Variants in PRH1 observed in about 807,000 individuals in gnomAD.
PRH1 encodes the protein proline rich protein HaeIII subfamily 1.
In PRH1, 7 loss-of-function variants were observed where a neutral mutation model predicts 7.9. The ratio of observed to expected loss-of-function variants is 0.89; its 90% CI spans 0.50 to 1.67. The LOEUF is 1.67. Ranked by LOEUF, PRH1 falls within the 40% of genes most tolerant of loss-of-function variation. The pLI is 0.00. For missense variants in PRH1, 109 were observed against 223.6 expected (o/e 0.49, Z 3.27); for synonymous variants, 45 against 80.8 (o/e 0.56, Z 2.38).
intron 1 of PRH1, among the ~76,000 whole-genome samples, chr12:11,054,231 T>C (rs1038949901): frequency 1.3e-5 from 2 of 152,210 alleles, no homozygotes; most frequent in African/African-American, 2.4e-5. Flanking sequence ...ATATTTTTTC[T>C]TTTACCACAT....
intron 1 of PRH1, among the ~76,000 whole-genome samples, chr12:11,054,295 GTTTAAT>G (rs1943270154): frequency 1.3e-5 from 2 of 152,252 alleles, no homozygotes; most frequent in African/African-American, 4.8e-5. Context: ...CTTTTTGGCT[GTTTAAT>G]TTTATTCCAC....
intron 1 of PRH1, among the ~76,000 whole-genome samples, chr12:11,101,096 A>C (rs1945230179): frequency 6.6e-6 from 1 of 152,198 alleles, no homozygotes; most frequent in African/African-American, 2.4e-5. Context: ...GTGTCTATCA[A>C]TCATGGATAT....
Position 11,012,603 on chromosome 12 carries a change from C to T in PRH1, c.-126+34417G>A, listed in dbSNP as rs189885131. ...GTTTTGAGAAAGGATGTTGCTCTGT[C>T]GCCTAGGCTGGAGTGCAGTGGTAGT... On this transcript the variant is annotated intron_variant, in intron 1 of 3. Coordinates refer to the PRH1 transcript ENST00000539853. Among the ~76,000 whole-genome samples, 443 of 152,204 alleles carry T rather than the reference C, an allele frequency of 2.9e-3. 2 individuals are homozygous for T. The highest frequency in any genetic ancestry group is 6.2e-3 in the Admixed American group (95 of 15,254).
intron 2 of PRH1, among the ~76,000 whole-genome samples, chr12:10,941,849 G>C (rs928297674): frequency 3.9e-5 from 6 of 152,060 alleles, no homozygotes; most frequent in Non-Finnish European, 7.4e-5. Flanking sequence ...ATTTGGGTAG[G>C]CTCTATCAGA....
intron 1 of PRH1, among the ~76,000 whole-genome samples, chr12:11,019,360 C>T (rs533053294): frequency 5.3e-5 from 8 of 152,282 alleles, no homozygotes; most frequent in Non-Finnish European, 1.0e-4. Context: ...TCTTCTTTTG[C>T]CTCAGTTTCC....
chr12:11,052,047 A>T (rs1004076702), upstream of PRH1, among the ~76,000 whole-genome samples: 4 of 152,288 alleles, frequency 2.6e-5, no homozygotes, highest in African/African-American at 7.2e-5. Flanking sequence ...TCACAGACAT[A>T]GAAAAGCCCA....
chr12:10,981,225 A>G (rs1939334458), intron 1 of PRH1, among the ~76,000 whole-genome samples: 1 of 152,188 alleles, frequency 6.6e-6, no homozygotes. Flanking sequence ...GCTATTCCCC[A>G]GAAAACAGTC....
At chr12:11,052,219 T>G (rs549866398) in intron 1 of PRH1, among the ~76,000 whole-genome samples, 9 of 152,288 alleles carry the variant, frequency 5.9e-5, no homozygotes, top group African/African-American at 1.7e-4. Flanking sequence ...GTCATTAATT[T>G]TTATTGCTCC....
intron 1 of PRH1, among the ~76,000 whole-genome samples, chr12:11,075,230 G>C (rs1944245168): frequency 7.5e-6 from 1 of 133,370 alleles, no homozygotes; most frequent in Non-Finnish European, 1.7e-5. Flanking sequence ...TAAGAAAGGT[G>C]ACTCGTTACT....
chr12:11,091,450 G>A lies in PRH1; in HGVS notation n.124-44262C>T, dbSNP rs753434790. On this transcript the variant is annotated intron_variant and non_coding_transcript_variant, in intron 1 of 4. Transcript: ENST00000541977. ...ATCTAATAGCTTTGCAGAACATGAA[G>A]ACAGGTTTGTTTTCCAGACTTCCAA... The A allele has an allele frequency of 2.7e-5, 34 of 1,262,782 alleles. 2 individuals carry two copies. The South Asian group carries it at 4.0e-4, about 15-fold the overall frequency. The allele number at this position is 1,262,782 out of a possible 1,614,324, so 78.2% of individuals were successfully genotyped here.
rs373038197 is a variant in PRH1, at chr12:10,881,343, T to A, written c.*19-287A>T. On this transcript the variant is annotated intron_variant, in intron 3 of 3. Transcript: ENST00000543626. The stretch of plus-strand genomic sequence containing the variant: ...TATGTAAGGGCTATTTTTACAAAGA[T>A]GGGCACTGCAACATATCATATAATA... Among the ~76,000 whole-genome samples, 4 of 152,228 alleles carry A rather than the reference T, an allele frequency of 2.6e-5. No homozygotes were observed. The South Asian group carries it at 8.3e-4, about 31-fold the overall frequency.
chr12:10,901,081 CA>C (rs1481444963), intron 2 of PRH1, among the ~76,000 whole-genome samples: 2 of 152,182 alleles, frequency 1.3e-5, no homozygotes, highest in African/African-American at 4.8e-5. Context: ...GCATTCAAAG[CA>C]CCTGCTCACA....
At position 10,930,476 on chromosome 12, in the gene PRH1, T is replaced by C. The variant is rs79858967; in HGVS notation, c.-59+43179A>G. Among the ~76,000 whole-genome samples, 8 of 151,828 alleles carry C rather than the reference T, an allele frequency of 5.3e-5. No homozygotes were observed. The East Asian group carries it at 7.8e-4, about 15-fold the overall frequency. ...TCTGGGGACCATGAGTAAAGAAATT[T>C]GATTTTTCACCACCCTAATGTGGAT... On this transcript the variant is annotated intron_variant, in intron 2 of 3. Transcript: ENST00000539853.
chr12:11,135,987 C>T lies in PRH1; in HGVS notation n.40-14807G>A, dbSNP rs529286808. On this transcript the variant is annotated intron_variant and non_coding_transcript_variant, in intron 1 of 1. Coordinates refer to the PRH1 transcript ENST00000541175. ...GAACCAAAACAAAAATGGGAAATAC[C>T]GCAGTGTATCATAAACATTCAAGTA... 5.3e-5 allele frequency among the ~76,000 whole-genome samples: 8 copies of T among 151,952 alleles called. 1 individual carries two copies. In the South Asian group the frequency reaches 6.2e-4, roughly 12 times the overall value.
rs111298542 is a variant in PRH1, at chr12:10,909,166, C to T, written c.-58-24891G>A. 58 of 1,613,930 alleles carry T rather than the reference C, an allele frequency of 3.6e-5. 1 individual carries two copies. The African/African-American group carries it at 3.6e-4, about 10-fold the overall frequency. ...ATTGCCAAGATAATGAGGAGTTTATCGACTGAGGACAGCTCTCTTTTACTG... is the reference window on the plus strand; with the variant it reads ...ATTGCCAAGATAATGAGGAGTTTATTGACTGAGGACAGCTCTCTTTTACTG... On this transcript the variant is annotated intron_variant, in intron 2 of 3. Transcript: ENST00000539853.
At chr12:10,983,956 T>A (rs1165675091) in intron 1 of PRH1, among the ~76,000 whole-genome samples, 4 of 152,222 alleles carry the variant, frequency 2.6e-5, no homozygotes, top group African/African-American at 9.6e-5. Context: ...AAGATACTCG[T>A]TTAGTGTTAT....
chr12:10,927,584 T>C (rs766230876), intron 2 of PRH1, among the ~76,000 whole-genome samples: 6 of 152,214 alleles, frequency 3.9e-5, no homozygotes, highest in Non-Finnish European at 7.3e-5. Context: ...TATGAGAACA[T>C]TGTTGTCTGT....
intron 1 of PRH1, among the ~76,000 whole-genome samples, chr12:11,164,237 C>G (rs947601626): frequency 4.6e-5 from 7 of 152,142 alleles, no homozygotes; most frequent in African/African-American, 1.7e-4. Flanking sequence ...AGGCATCAAC[C>G]AATCTGATGA....
chr12:11,171,521 G>A (rs1947844227), upstream of PRH1: 9 of 1,232,196 alleles, frequency 7.3e-6, no homozygotes, highest in African/African-American at 6.2e-5. Flanking sequence ...TCTACGTCGC[G>A]GGCTCGGTGA....
Sources: gnomAD v4.1 joint callset for allele counts (sites outside exome capture counted in the v4.1 genomes callset) on GRCh38, gnomAD v4.1.1 for gene constraint, MANE v1.5 for transcripts, NCBI Gene and HGNC (gene_info 2026-07-23, HGNC 2026-07-21) for gene names.